Variants in JAKMIP3 observed in about 807,000 individuals in gnomAD.
JAKMIP3 encodes Janus kinase and microtubule interacting protein 3, also known as janus kinase and microtubule-interacting protein 3.
In JAKMIP3, 58 loss-of-function variants were observed where a neutral mutation model predicts 118.5. The observed-to-expected ratio is 0.49, with a 90% CI of 0.40 to 0.61. The LOEUF is 0.61. Among genes scored for constraint, JAKMIP3 ranks in the 20% least tolerant of loss-of-function variants. JAKMIP3 has a pLI of 0.00. For synonymous variants in JAKMIP3, 486 were observed against 451.2 expected (o/e 1.08, Z -0.98); for missense variants, 950 against 1,109.0 (o/e 0.86, Z 2.04).
intron 1 of JAKMIP3, among the ~76,000 whole-genome samples, chr10:132,098,852 C>G (rs2044384981): frequency 6.6e-6 from 1 of 152,212 alleles, no homozygotes; most frequent in African/African-American, 2.4e-5. Context: ...GGGGTGAAGT[C>G]CTGGGTCCTC....
At chr10:132,060,723 A>G (rs1178323315), upstream of JAKMIP3, among the ~76,000 whole-genome samples, 1 of 152,244 alleles carries the variant, frequency 6.6e-6, no homozygotes, top group African/African-American at 2.4e-5. Context: ...TTCTACATAG[A>G]AAATACAAGA....
intron 4 of JAKMIP3, among the ~76,000 whole-genome samples, chr10:132,134,679 C>T (rs1016918101): frequency 2.0e-5 from 3 of 152,254 alleles, no homozygotes; most frequent in African/African-American, 4.8e-5. Flanking sequence ...AGCTGGCAGA[C>T]GTCCTCCTGG....
intron 1 of JAKMIP3, among the ~76,000 whole-genome samples, chr10:132,067,414 C>T (rs920743491): frequency 1.3e-5 from 2 of 152,048 alleles, no homozygotes; most frequent in African/African-American, 4.8e-5. Context: ...CCCGACAGCC[C>T]TGGGAAGGCC....
At chr10:132,078,633 G>C (rs1363259764) in intron 1 of JAKMIP3, among the ~76,000 whole-genome samples, 1 of 140,044 alleles carries the variant, frequency 7.1e-6, no homozygotes, top group Non-Finnish European at 1.5e-5. Context: ...GGGGGGGGGG[G>C]GTCCCGTTTC....
rs1554962672 is a variant in JAKMIP3, at chr10:132,180,530, T to TGTGTGTGTGTGTGC, written c.*1104-1814_*1104-1813insCGTGTGTGTGTGTG. Among the ~76,000 whole-genome samples, 9 of 31,952 alleles carry TGTGTGTGTGTGTGC rather than the reference T, an allele frequency of 2.8e-4. 4 individuals are homozygous for TGTGTGTGTGTGTGC. The highest frequency in any genetic ancestry group is 4.9e-4 in the Non-Finnish European group (9 of 18,330). The allele number at this position is 31,952 out of a possible 152,430, so 21.0% of individuals were successfully genotyped here. ...GCAAACCTGGAAGCAGAACTGTGTGTGTGTGTGTGTGTGTGCGTGCGTGCA... is the reference window on the plus strand; with the variant it reads ...GCAAACCTGGAAGCAGAACTGTGTGTGTGTGTGTGTGTGCGTGTGTGTGTGTGTGCGTGCGTGCA... On this transcript the variant is annotated intron_variant, in intron 23 of 23. Transcript: ENST00000684848.
intron 1 of JAKMIP3, among the ~76,000 whole-genome samples, chr10:132,103,846 A>G (rs999474403): frequency 6.6e-6 from 1 of 152,148 alleles, no homozygotes; most frequent in African/African-American, 2.4e-5. Context: ...TCTCCAAAAA[A>G]AGAAAGAAAA....
rs1316976947 is a variant in JAKMIP3 at position 132,049,801 on chromosome 10, A to G, written c.-138+13063A>G. 6.6e-6 allele frequency among the ~76,000 whole-genome samples: 1 copy of G among 152,162 alleles called. No homozygotes were observed. Among genetic ancestry groups the G allele is most frequent in the Non-Finnish European group, 1.5e-5 (1 of 68,018 alleles). ...TCCCAGCCCTATGGTGGTTTTTAACAGGGAGGGAATTTGTATCAGTTCTTT... is the reference window on the plus strand; with the variant it reads ...TCCCAGCCCTATGGTGGTTTTTAACGGGGAGGGAATTTGTATCAGTTCTTT... On this transcript the variant is annotated intron_variant, in intron 1 of 23. Coordinates refer to the JAKMIP3 transcript ENST00000657785. The surrounding 1 kb of genome is among the most constrained non-coding windows in gnomAD (Gnocchi z 4.3).
chr10:132,059,045 G>C (rs1055193973), intron 1 of JAKMIP3, among the ~76,000 whole-genome samples: 2 of 152,224 alleles, frequency 1.3e-5, no homozygotes, highest in African/African-American at 4.8e-5. Context: ...TGCCCGGCTT[G>C]TGTCTGTCTG....
At chr10:132,147,927 A>G (rs1425974774) in intron 13 of JAKMIP3, 25 bp from the exon 14 acceptor site, 1 of 1,523,424 alleles carries the variant, frequency 6.6e-7, no homozygotes, top group Admixed American at 1.9e-5. Flanking sequence ...CAGACCCCTC[A>G]CCTCATGCAT....
chr10:132,102,316 T>C (rs1006336517), intron 1 of JAKMIP3, among the ~76,000 whole-genome samples: 7 of 152,120 alleles, frequency 4.6e-5, no homozygotes, highest in African/African-American at 1.7e-4. Context: ...AAGATGCCTC[T>C]GATGACGTCC....
At chr10:132,038,137 A>G (rs1482440425) in intron 1 of JAKMIP3, among the ~76,000 whole-genome samples, 1 of 152,346 alleles carries the variant, frequency 6.6e-6, no homozygotes, top group Middle Eastern at 3.4e-3. Context: ...GACATTATTT[A>G]TATTGAAAAT....
intron 2 of JAKMIP3, among the ~76,000 whole-genome samples, chr10:132,116,867 CG>C: frequency 7.1e-6 from 1 of 141,444 alleles, no homozygotes; most frequent in African/African-American, 2.8e-5. Context: ...ACGCTCCCCC[CG>C]AATACACATT....
At chr10:132,056,181 C>T (rs941111722) in intron 1 of JAKMIP3, among the ~76,000 whole-genome samples, 5 of 152,094 alleles carry the variant, frequency 3.3e-5, no homozygotes, top group African/African-American at 9.7e-5. Flanking sequence ...ACCCTGGGCA[C>T]CTTCTGTCAC....
At chr10:132,072,076 C>T (rs554677668) in intron 1 of JAKMIP3, among the ~76,000 whole-genome samples, 44 of 151,972 alleles carry the variant, frequency 2.9e-4, no homozygotes, top group African/African-American at 9.9e-4. Flanking sequence ...CTCAGCCTCT[C>T]GAGTAGCTGG....
intron 2 of JAKMIP3, among the ~76,000 whole-genome samples, chr10:132,115,938 G>T: frequency 6.6e-6 from 1 of 152,210 alleles, no homozygotes; most frequent in East Asian, 1.9e-4. Flanking sequence ...GCATTGGGCC[G>T]GATGTGCTGG....
At chr10:132,136,414 G>A (rs1458666918) in intron 6 of JAKMIP3, among the ~76,000 whole-genome samples, 2 of 152,184 alleles carry the variant, frequency 1.3e-5, no homozygotes, top group Admixed American at 6.5e-5. Flanking sequence ...GCGGAGTCCC[G>A]GCTGTTGGGG....
At chr10:132,096,473 T>C (rs1186730390) in intron 1 of JAKMIP3, among the ~76,000 whole-genome samples, 2 of 152,152 alleles carry the variant, frequency 1.3e-5, no homozygotes, top group African/African-American at 4.8e-5. Flanking sequence ...CACGGGGTGG[T>C]GGTTACTGTA....
At chr10:132,165,696 G>A (rs538101599) in intron 21 of JAKMIP3, among the ~76,000 whole-genome samples, 7 of 152,202 alleles carry the variant, frequency 4.6e-5, no homozygotes, top group South Asian at 2.1e-4. Flanking sequence ...GACAGCAGTC[G>A]CCTTAGACGG....
Position 132,143,353 on chromosome 10 carries a change from T to C in JAKMIP3, c.1602+1305T>C, listed in dbSNP as rs566537481. Among the ~76,000 whole-genome samples, 60 of 152,022 alleles carry C rather than the reference T, an allele frequency of 3.9e-4. 1 individual carries two copies. Among genetic ancestry groups the C allele is most frequent in the Middle Eastern group, 3.4e-3 (1 of 294 alleles). The stretch of plus-strand genomic sequence containing the variant: ...CCCAGAGCCTCATGGGCCCAGCCTT[T>C]CTCCCTCACAGCGGGGGCGGGGCAA... On this transcript the variant is annotated intron_variant, in intron 11 of 23. Coordinates refer to ENST00000684848, the MANE Select transcript of JAKMIP3 (RefSeq NM_001323087.2).
Sources: gnomAD v4.1 joint callset for allele counts (sites outside exome capture counted in the v4.1 genomes callset) on GRCh38, gnomAD v4.1.1 for gene constraint, Gnocchi (gnomAD v3.1) non-coding constraint, MANE v1.5 for transcripts, NCBI Gene and HGNC (gene_info 2026-07-23, HGNC 2026-07-21) for gene names.